Variants in ARHGAP22 observed in about 807,000 individuals in gnomAD.
ARHGAP22 encodes Rho GTPase activating protein 22.
ARHGAP22 carries 48 observed loss-of-function variants against 59.1 expected under a neutral mutation model. That is an observed-to-expected ratio of 0.81 (90% CI 0.64 to 1.03). The LOEUF (loss-of-function observed/expected upper bound fraction) is 1.03, where lower values mean the gene tolerates loss of function less well. ARHGAP22 is among the 50% of genes least tolerant of loss of function. The pLI, the probability that ARHGAP22 is intolerant of heterozygous loss-of-function variation, is 0.00. For synonymous variants in ARHGAP22, 445 were observed against 416.4 expected (o/e 1.07, Z -0.84); for missense variants, 1,015 against 958.7 (o/e 1.06, Z -0.78).
At chr10:48,637,213 T>C (rs938205279) in intron 1 of ARHGAP22, among the ~76,000 whole-genome samples, 2 of 152,140 alleles carry the variant, frequency 1.3e-5, no homozygotes, top group African/African-American at 4.8e-5. Flanking sequence ...CCAACTATTG[T>C]GTCGAGGTGG....
At chr10:48,431,422 CTAA>C in the ARHGAP22 span, 1 of 594,776 alleles carries the variant, frequency 1.7e-6, no homozygotes, top group African/African-American at 1.9e-5. Flanking sequence ...GTTTTTTCTA[CTAA>C]TACATTATAC....
chr10:48,494,237 T>C (rs1039585264), intron 3 of ARHGAP22, among the ~76,000 whole-genome samples: 3 of 152,158 alleles, frequency 2.0e-5, no homozygotes, highest in African/African-American at 7.2e-5. Context: ...CGCTGGGAAA[T>C]GGCACAGCCA....
intron 5 of ARHGAP22, 96 bp downstream of exon 5, chr10:48,459,588 A>G: frequency 5.7e-6 from 8 of 1,401,332 alleles, no homozygotes; most frequent in Non-Finnish European, 8.0e-6. Context: ...TCCTGTCGCT[A>G]GCCCACCCCT....
intron 5 of ARHGAP22, 85 bp downstream of exon 5, chr10:48,459,599 G>A: frequency 6.7e-7 from 1 of 1,483,060 alleles, no homozygotes; most frequent in South Asian, 1.2e-5. Flanking sequence ...GCCCACCCCT[G>A]CCCACTGGAG....
chr10:48,631,106 A>T (rs1397923564), intron 1 of ARHGAP22, among the ~76,000 whole-genome samples: 1 of 152,216 alleles, frequency 6.6e-6, no homozygotes, highest in Non-Finnish European at 1.5e-5. Flanking sequence ...TAACTACCAC[A>T]TAATAGTTTT....
chr10:48,452,473 C>T (rs559027044), intron 8 of ARHGAP22, among the ~76,000 whole-genome samples: 1 of 152,300 alleles, frequency 6.6e-6, no homozygotes, highest in Non-Finnish European at 1.5e-5. Flanking sequence ...CTCAAGGGGC[C>T]CTGGGGTGGG....
chr10:48,560,307 A>G (rs2057603265), intron 2 of ARHGAP22, among the ~76,000 whole-genome samples: 1 of 152,162 alleles, frequency 6.6e-6, no homozygotes, highest in South Asian at 2.1e-4. Context: ...TAACAATAAT[A>G]AGTCTTCTGA....
chr10:48,641,697 C>T (rs995101858), intron 1 of ARHGAP22, among the ~76,000 whole-genome samples: 2 of 152,174 alleles, frequency 1.3e-5, no homozygotes, highest in Non-Finnish European at 2.9e-5. Flanking sequence ...GACAGGGATG[C>T]CCTCTCTCAC....
upstream of ARHGAP22, among the ~76,000 whole-genome samples, chr10:48,609,920 G>C (rs565704355): frequency 5.3e-5 from 8 of 152,314 alleles, no homozygotes; most frequent in South Asian, 1.7e-3. Context: ...GGAAACTGTG[G>C]GATTCATCAA....
At chr10:48,476,450 A>G (rs1247547000) in intron 4 of ARHGAP22, among the ~76,000 whole-genome samples, 1 of 152,212 alleles carries the variant, frequency 6.6e-6, no homozygotes, top group African/African-American at 2.4e-5. Flanking sequence ...CAAAACAGTC[A>G]AAAAAGGACT....
At chr10:48,479,793 C>T in intron 3 of ARHGAP22, 29 bp from the exon 4 acceptor site, 1 of 1,543,072 alleles carries the variant, frequency 6.5e-7, no homozygotes, top group Non-Finnish European at 8.8e-7. Flanking sequence ...CAGGCTTACG[C>T]AGGGTCCCTG....
At chr10:48,476,604 C>T (rs1226891372) in intron 4 of ARHGAP22, among the ~76,000 whole-genome samples, 1 of 152,232 alleles carries the variant, frequency 6.6e-6, no homozygotes, top group Non-Finnish European at 1.5e-5. Flanking sequence ...TCTGCATTTC[C>T]TCTGTACTCC....
intron 1 of ARHGAP22, among the ~76,000 whole-genome samples, chr10:48,623,096 C>T (rs2061337813): frequency 6.6e-6 from 1 of 152,228 alleles, no homozygotes; most frequent in African/African-American, 2.4e-5. Flanking sequence ...CTCTGTGACC[C>T]ATGCCAGGGA....
chr10:48,583,149 CG>C lies in ARHGAP22; in HGVS notation c.37del (p.Arg13AlafsTer5), dbSNP rs2059220901. ...CTCCCCCATCACTAGGCTTTTGGAG[CG>C]GGCTGAAAGCCAAGGACACACAGAG... ...SPKIRQARRA[R>X]SKSLVMGEQS... On this transcript the variant is annotated frameshift_variant and splice_region_variant, in exon 2 of 10. Coordinates refer to ENST00000249601, the MANE Select transcript of ARHGAP22 (RefSeq NM_021226.4). LOFTEE classifies it high-confidence loss of function. 1 of 1,613,528 alleles carries C rather than the reference CG, an allele frequency of 6.2e-7. No homozygotes were observed. The highest frequency in any genetic ancestry group is 8.5e-7 in the Non-Finnish European group (1 of 1,179,768).
chr10:48,504,532 C>T (rs533087074), intron 3 of ARHGAP22, among the ~76,000 whole-genome samples: 61 of 152,270 alleles, frequency 4.0e-4, no homozygotes, highest in Non-Finnish European at 4.4e-5. Flanking sequence ...GGGAGGGGAT[C>T]CTCTGGCTGA....
rs1017577713 is a variant in ARHGAP22, at chr10:48,493,728, G to C, written c.323-13964C>G. ...GGGGCGGGGCAAGAAGGACTTGCTG[G>C]GATCCCCGCCAGTGGGAGGTCGGCG... On this transcript the variant is annotated intron_variant, in intron 3 of 9. Transcript: ENST00000249601. 928 of 1,229,440 alleles carry C rather than the reference G, an allele frequency of 7.5e-4. 4 individuals carry two copies. Among genetic ancestry groups the C allele is most frequent in the Middle Eastern group, 8.7e-4 (3 of 3,436 alleles). 76.2% of individuals were successfully genotyped at this position (1,229,440 alleles called of 1,614,324 possible). A position where few individuals can be genotyped will look rare whatever the true frequency, so the allele number is the denominator to read the frequency against.
chr10:48,438,762 T>C, the ARHGAP22 span: 1 of 152,234 alleles, frequency 6.6e-6, no homozygotes, highest in Non-Finnish European at 1.5e-5. Flanking sequence ...GTAAAGTATA[T>C]ACCTTACATC....
chr10:48,593,249 C>T (rs574851786), intron 1 of ARHGAP22, among the ~76,000 whole-genome samples: 1 of 152,314 alleles, frequency 6.6e-6, no homozygotes, highest in Admixed American at 6.5e-5. Flanking sequence ...CTCCTTCCTG[C>T]TTTACCTCAA....
intron 4 of ARHGAP22, among the ~76,000 whole-genome samples, chr10:48,465,636 G>C (rs1158220063): frequency 6.6e-6 from 1 of 152,226 alleles, no homozygotes; most frequent in Non-Finnish European, 1.5e-5. Flanking sequence ...ATTCCCTCTT[G>C]GAGCTGATCC....
Sources: allele counts gnomAD v4.1 joint callset (sites outside exome capture counted in the v4.1 genomes callset), GRCh38; gene constraint gnomAD v4.1.1; transcripts MANE v1.5; gene names NCBI Gene and HGNC (gene_info 2026-07-23, HGNC 2026-07-21).